The following MAMLD1 variants were observed in gnomAD, a reference collection of about 807,000 sequenced individuals.
MAMLD1 encodes mastermind like domain containing 1.
In MAMLD1, 14 loss-of-function variants were observed where a neutral mutation model predicts 45.0. That is an observed-to-expected ratio of 0.31 (90% CI 0.21 to 0.49). MAMLD1 has a LOEUF of 0.49. MAMLD1 is among the 20% of genes least tolerant of loss of function. The pLI is 0.99. For missense variants in MAMLD1, 543 were observed against 603.6 expected, an observed-to-expected ratio of 0.90 and a Z score of 1.05; for synonymous variants, 254 against 247.8, an observed-to-expected ratio of 1.02 and a Z score of -0.24.
At chrX:150,402,266 T>G (rs2033803994) in intron 1 of MAMLD1, among the ~76,000 whole-genome samples, 1 of 108,920 alleles carries the variant, frequency 9.2e-6, no homozygotes, top group African/African-American at 3.4e-5. Context: ...GCGAAGGACA[T>G]GAACAGACAC....
chrX:150,470,840 C>T lies in MAMLD1; in HGVS notation c.1267C>T (p.Pro423Ser). 1.7e-6 allele frequency: 2 copies of T among 1,211,858 alleles called. No homozygotes were observed. Among genetic ancestry groups the T allele is most frequent in the South Asian group, 3.5e-5 (2 of 57,010 alleles). ...TCTCACTCAACAGCCGCAGTTCGGC[C>T]CTCAGAGCTCCATTCTTGCCAACCT... ...PALTQQPQFG[P>S]QSSILANLMS... The change falls in exon 4 of 8, where the codon CCT becomes TCT. Residue 423 changes from proline (P) to serine (S), a missense_variant. By Grantham distance (74) the Pro-to-Ser change is moderately conservative. Transcript: ENST00000370401.
intron 1 of MAMLD1, among the ~76,000 whole-genome samples, chrX:150,402,635 C>T (rs1427931234): frequency 4.7e-4 from 53 of 111,629 alleles, no homozygotes; most frequent in East Asian, 4.2e-3. Context: ...ATGTTTATTG[C>T]GGCATTATTC....
Position 150,470,498 on chromosome X carries a change from G to T in MAMLD1, c.925G>T (p.Ala309Ser), listed in dbSNP as rs1557406322. 1 of 1,211,654 alleles carries T rather than the reference G, an allele frequency of 8.3e-7. No homozygotes were observed. The highest frequency in any genetic ancestry group is 1.1e-6 in the Non-Finnish European group (1 of 895,504). ...GTGGCATCACGCCCACCAGCTGAAG[G>T]CGTTGGCAGCCAGCAAGCAGGGGTC... ...PQWHHAHQLKALAASKQGSAT... is the reference protein window; with the variant it reads ...PQWHHAHQLKSLAASKQGSAT... Residue 309 changes from alanine (A) to serine (S), a missense_variant, in exon 4 of 8, where the codon GCG becomes TCG. Physicochemically the swap from Ala to Ser is moderately conservative, Grantham distance 99. Coordinates refer to ENST00000370401, the MANE Select transcript of MAMLD1 (RefSeq NM_005491.5).
intron 3 of MAMLD1, among the ~76,000 whole-genome samples, chrX:150,466,260 C>T (rs944491676): frequency 4.4e-5 from 5 of 112,957 alleles, no homozygotes; most frequent in Admixed American, 2.8e-4. Context: ...CTGAGCCTTC[C>T]GTGTAAACAC....
intron 6 of MAMLD1, among the ~76,000 whole-genome samples, chrX:150,506,305 C>T (rs1195000881): frequency 1.9e-5 from 2 of 106,711 alleles, no homozygotes; most frequent in African/African-American, 6.9e-5. Flanking sequence ...TCTCCCTCCT[C>T]CTCTACCCTC....
At chrX:150,416,620 G>A (rs1230253935) in intron 1 of MAMLD1, among the ~76,000 whole-genome samples, 1 of 112,075 alleles carries the variant, frequency 8.9e-6, no homozygotes, top group African/African-American at 3.2e-5. Flanking sequence ...AACCATTTCC[G>A]AAATGCGCAG....
intron 1 of MAMLD1, among the ~76,000 whole-genome samples, chrX:150,431,576 C>T (rs1370085566): frequency 1.8e-5 from 2 of 110,451 alleles, no homozygotes; most frequent in Admixed American, 1.9e-4. Context: ...CCTCCGTCCA[C>T]CCTCAAGTAG....
At chrX:150,435,254 A>G (rs2035082895) in intron 1 of MAMLD1, among the ~76,000 whole-genome samples, 1 of 111,266 alleles carries the variant, frequency 9.0e-6, no homozygotes, top group Non-Finnish European at 1.9e-5. Flanking sequence ...GGTGGCTCAC[A>G]TCTGTAATCC....
intron 5 of MAMLD1, among the ~76,000 whole-genome samples, chrX:150,481,646 A>G (rs2036761059): frequency 9.1e-6 from 1 of 109,761 alleles, no homozygotes; most frequent in Non-Finnish European, 1.9e-5. Flanking sequence ...CCTGGGCAAC[A>G]TAGTGAGATC....
intron 1 of MAMLD1, among the ~76,000 whole-genome samples, chrX:150,421,936 G>C (rs2124555747): frequency 8.9e-6 from 1 of 112,463 alleles, no homozygotes; most frequent in South Asian, 3.7e-4. Context: ...AGGGAAGTCT[G>C]TTCGTACCCT....
chrX:150,512,816 A>T lies in MAMLD1; in HGVS notation c.*857A>T. On this transcript the variant is annotated 3_prime_UTR_variant, in exon 8 of 8. Coordinates refer to ENST00000370401, the MANE Select transcript of MAMLD1 (RefSeq NM_005491.5). ...CCAGTTCCCAGGTCCGTTCGACAGA[A>T]CGGATATTCCCCCTGAGCTGCCACC... is the stretch of plus-strand genomic sequence containing the variant. 1.7e-6 allele frequency: 2 copies of T among 1,155,592 alleles called. No homozygotes were observed. Among genetic ancestry groups the T allele is most frequent in the African/African-American group, 3.6e-5 (2 of 56,164 alleles).
chrX:150,363,698 C>A (rs929398018), intron 1 of MAMLD1, among the ~76,000 whole-genome samples, 168 bp downstream of exon 1: 1 of 112,603 alleles, frequency 8.9e-6, no homozygotes, highest in African/African-American at 3.2e-5. Context: ...GCGCTGCGGG[C>A]GGCCACCCCC....
At chrX:150,401,079 A>G (rs1252171685) in intron 1 of MAMLD1, among the ~76,000 whole-genome samples, 2 of 111,133 alleles carry the variant, frequency 1.8e-5, no homozygotes, top group Non-Finnish European at 3.8e-5. Context: ...CTGTGAATCC[A>G]TCTGGTCCTG....
chrX:150,471,237 A>C lies in MAMLD1; in HGVS notation c.1664A>C (p.Gln555Pro). 1.7e-6 allele frequency: 2 copies of C among 1,211,835 alleles called. No homozygotes were observed. The highest frequency in any genetic ancestry group is 2.2e-6 in the Non-Finnish European group (2 of 895,513). ...CATTTTGTTTCTGAGCCGGGTCCCC[A>C]GAAGATGCCCTCCATGCCTACCACC... ...LSHFVSEPGP[Q>P]KMPSMPTTSR... Residue 555 changes from glutamine (Q) to proline (P), a missense_variant, in exon 4 of 8, where the codon CAG becomes CCG. Gln to Pro is a moderately conservative substitution (Grantham distance 76, BLOSUM62 -1). Transcript: ENST00000370401.
At chrX:150,406,928 C>T (rs2034012006) in intron 1 of MAMLD1, among the ~76,000 whole-genome samples, 1 of 111,240 alleles carries the variant, frequency 9.0e-6, no homozygotes, top group Non-Finnish European at 1.9e-5. Context: ...GAGTGCCCAT[C>T]GACTATTACA....
intron 1 of MAMLD1, among the ~76,000 whole-genome samples, chrX:150,419,996 A>G (rs2034432730): frequency 8.9e-5 from 1 of 11,224 alleles, no homozygotes; most frequent in Non-Finnish European, 1.6e-4. Context: ...GCCTTGCTAG[A>G]TTGGGGAAGT....
chrX:150,392,700 A>G (rs2033238032), intron 1 of MAMLD1, among the ~76,000 whole-genome samples: 1 of 110,485 alleles, frequency 9.1e-6, no homozygotes, highest in Non-Finnish European at 1.9e-5. Context: ...AATTTCAGAA[A>G]GGTTTTCTGT....
chrX:150,398,320 GAAGAAGAAGAA>G (rs1569564591), intron 1 of MAMLD1, among the ~76,000 whole-genome samples: 25 of 94,899 alleles, frequency 2.6e-4, no homozygotes, highest in Middle Eastern at 9.9e-3. Flanking sequence ...AGAAGAAGAA[GAAGAAGAAGAA>G]GAAGAAGAAG....
intron 1 of MAMLD1, among the ~76,000 whole-genome samples, chrX:150,424,549 A>G: frequency 8.9e-6 from 1 of 112,066 alleles, no homozygotes; most frequent in Non-Finnish European, 1.9e-5. Flanking sequence ...AACAAGGAAA[A>G]AAGGGTGTGT....
Sources: allele counts gnomAD v4.1 joint callset (sites outside exome capture counted in the v4.1 genomes callset), GRCh38; gene constraint gnomAD v4.1.1; transcripts MANE v1.5; gene names NCBI Gene and HGNC (gene_info 2026-07-23, HGNC 2026-07-21).